DMD: variants seen among roughly 807,000 people sequenced by gnomAD.
The protein encoded by DMD is mutant dystrophin.
A neutral mutation model predicts 330.1 loss-of-function variants in DMD; 63 were observed. That is an observed-to-expected ratio of 0.19 (90% CI 0.16 to 0.24). DMD has a LOEUF of 0.24. Ranked by LOEUF, DMD falls within the 10% of genes least tolerant of loss-of-function variation. The pLI, the probability that DMD is intolerant of heterozygous loss-of-function variation, is 1.00. For synonymous variants in DMD, 1,223 were observed against 959.8 expected (o/e 1.27, Z -5.07); for missense variants, 3,344 against 2,684.1 (o/e 1.25, Z -5.43).
intron 12 of DMD, among the ~76,000 whole-genome samples, chrX:32,608,061 G>A (rs998442287): frequency 2.7e-5 from 3 of 109,859 alleles, no homozygotes; most frequent in Non-Finnish European, 1.9e-5. Context: ...TAGCTATACC[G>A]ATATACTGTC....
intron 62 of DMD, among the ~76,000 whole-genome samples, chrX:31,308,600 T>C: frequency 8.9e-6 from 1 of 111,903 alleles, no homozygotes; most frequent in Non-Finnish European, 1.9e-5. Context: ...TATTTCTAGA[T>C]GGAGTCTTGC....
In DMD at chrX:32,621,050, C is replaced by A. The variant is rs189195979; in HGVS notation, c.1332-6597G>T. Among the ~76,000 whole-genome samples the A allele has an allele frequency of 7.6e-3, 844 of 111,089 alleles. 11 individuals carry two copies. Among genetic ancestry groups the A allele is most frequent in the Admixed American group, 0.041 (432 of 10,424 alleles). ...AGTTTATATGGATGGCGGGTGAGGG[C>A]CACAGATAATACATATAGCTCAACA... is the stretch of plus-strand genomic sequence containing the variant. On this transcript the variant is annotated intron_variant, in intron 11 of 78. Transcript: ENST00000357033.
chrX:32,715,251 GGA>G (rs1448932564), intron 7 of DMD, among the ~76,000 whole-genome samples: 1 of 110,435 alleles, frequency 9.1e-6, no homozygotes, highest in Non-Finnish European at 1.9e-5. Flanking sequence ...GGCCAAGGCA[GGA>G]GGATCACAAG....
At chrX:32,094,234 C>T (rs1048575494) in intron 44 of DMD, among the ~76,000 whole-genome samples, 3 of 111,887 alleles carry the variant, frequency 2.7e-5, no homozygotes, top group African/African-American at 9.7e-5. Context: ...GTCACCTATA[C>T]TTTAATAGTT....
chrX:32,705,384 G>T (rs924758769), intron 7 of DMD, among the ~76,000 whole-genome samples: 8 of 111,906 alleles, frequency 7.1e-5, no homozygotes, highest in African/African-American at 2.3e-4. Context: ...AATTAATAAC[G>T]ATAAAAAGTA....
At chrX:32,578,198 G>GA (rs751315941) in intron 13 of DMD, among the ~76,000 whole-genome samples, 2,283 of 106,393 alleles carry the variant, frequency 0.021, 44 homozygotes, top group African/African-American at 0.061. Context: ...CTTCTCTAGA[G>GA]AAAAAAAAAA....
chrX:33,076,412 T>A (rs2094841977), intron 1 of DMD, among the ~76,000 whole-genome samples: 1 of 111,602 alleles, frequency 9.0e-6, no homozygotes, highest in Admixed American at 9.6e-5. Flanking sequence ...TGATGGCAAT[T>A]GCAGTATGTA....
intron 7 of DMD, among the ~76,000 whole-genome samples, chrX:32,743,254 T>A (rs1009650622): frequency 9.0e-6 from 1 of 111,448 alleles, no homozygotes; most frequent in Non-Finnish European, 1.9e-5. Context: ...GTGTTCCACA[T>A]AATTTTCTTC....
At chrX:33,194,624 T>C (rs1415735384) in intron 1 of DMD, among the ~76,000 whole-genome samples, 1 of 111,211 alleles carries the variant, frequency 9.0e-6, no homozygotes, top group Admixed American at 9.7e-5. Context: ...TCCTCAAAGA[T>C]AAAATATTAA....
chrX:32,955,231 G>A lies in DMD; in HGVS notation c.93+64908C>T, dbSNP rs193097594. Reference sequence around the variant, plus strand: ...ATTTTTTGACTTTTTATTAATAGCCGTCCTGACTGGTGTGAGATGGTATTT... The same window carrying A: ...ATTTTTTGACTTTTTATTAATAGCCATCCTGACTGGTGTGAGATGGTATTT... On this transcript the variant is annotated intron_variant, in intron 2 of 78. Transcript: ENST00000357033. 8.1e-4 allele frequency among the ~76,000 whole-genome samples: 90 copies of A among 111,316 alleles called. 1 individual carries two copies. Among genetic ancestry groups the A allele is most frequent in the African/African-American group, 2.8e-3 (85 of 30,704 alleles).
intron 20 of DMD, among the ~76,000 whole-genome samples, chrX:32,486,853 A>C (rs1261077553): frequency 9.4e-6 from 1 of 106,644 alleles, no homozygotes; most frequent in East Asian, 2.9e-4. Flanking sequence ...AATCAATTCA[A>C]GATGGATTAA....
intron 47 of DMD, among the ~76,000 whole-genome samples, chrX:31,894,054 G>A (rs944294591): frequency 9.0e-6 from 1 of 111,415 alleles, no homozygotes; most frequent in African/African-American, 3.3e-5. Flanking sequence ...CTTCTCTGAG[G>A]GTTTATTGGG....
Position 33,311,172 on chromosome X carries a change from TACAC to T in DMD, c.7+28083_7+28086del, listed in dbSNP as rs1205513390. Among the ~76,000 whole-genome samples the T allele has an allele frequency of 2.7e-5, 3 of 110,078 alleles. No individual in the cohort carries two copies. The East Asian group carries it at 8.5e-4, about 31-fold the overall frequency. On this transcript the variant is annotated intron_variant, in intron 1 of 17. Transcript: ENST00000288447. ...GTATATACCTACTTTAATATATAGA[TACAC>T]ATATGTATGCATACACACATACACA...
rs757715170 is a variant in DMD, at chrX:32,616,746, C to T, written c.1332-2293G>A. ...AAGAATGTTACTGAAACCCAAGATCCTGTTGCTAGGTATGCTCCTTGCTTC... is the reference window on the plus strand; with the variant it reads ...AAGAATGTTACTGAAACCCAAGATCTTGTTGCTAGGTATGCTCCTTGCTTC... On this transcript the variant is annotated intron_variant, in intron 11 of 78. Coordinates refer to ENST00000357033, the MANE Select transcript of DMD (RefSeq NM_004006.3). 1.6e-4 allele frequency among the ~76,000 whole-genome samples: 14 copies of T among 86,965 alleles called. No homozygotes were observed. The South Asian group carries it at 5.7e-3, about 36-fold the overall frequency. The allele number at this position is 86,965 out of a possible 115,157, so 75.5% of individuals were successfully genotyped here. A position where few individuals can be genotyped will look rare whatever the true frequency, so the allele number is the denominator to read the frequency against.
rs73466100 is a variant in DMD, at chrX:31,917,137, G to C, written c.6912+12459C>G. ...CAGGGAACCAGCATCTTGAAATTAG[G>C]GGGGGAAATGCAGAACCTCAGGTCC... On this transcript the variant is annotated intron_variant, in intron 47 of 78. Coordinates refer to ENST00000357033, the MANE Select transcript of DMD (RefSeq NM_004006.3). Among the ~76,000 whole-genome samples the C allele has an allele frequency of 6.6e-3, 738 of 111,251 alleles. 7 individuals carry two copies. Among genetic ancestry groups the C allele is most frequent in the African/African-American group, 0.023 (696 of 30,569 alleles).
At chrX:32,651,385 C>A (rs556656001) in intron 9 of DMD, among the ~76,000 whole-genome samples, 9 of 111,479 alleles carry the variant, frequency 8.1e-5, no homozygotes, top group African/African-American at 1.6e-4. Context: ...TCAGGTCATC[C>A]GCCCACCTCA....
rs756578720 is a variant in DMD, at chrX:32,372,121, C to T, written c.4846-6922G>A. 5.4e-5 allele frequency among the ~76,000 whole-genome samples: 6 copies of T among 111,333 alleles called. No individual in the cohort carries two copies. The East Asian group carries it at 1.4e-3, about 26-fold the overall frequency. On this transcript the variant is annotated intron_variant, in intron 34 of 78. Transcript: ENST00000357033. ...CATCTATAAAACGGGAACATTTGAT[C>T]AGGTGATTATTTATGTTTGTTATAA...
Position 32,511,764 on chromosome X carries a change from TA to T in DMD, c.2292+6243del, listed in dbSNP as rs772004675. Among the ~76,000 whole-genome samples, 294 of 111,017 alleles carry T rather than the reference TA, an allele frequency of 2.6e-3. 2 individuals are homozygous for T. The highest frequency in any genetic ancestry group is 9.0e-3 in the African/African-American group (275 of 30,590). ...TAGAGCTGTTTATCATATATGTGTC[TA>T]CATGCATATACATTTTTAATCTTGA... On this transcript the variant is annotated intron_variant, in intron 18 of 78. Coordinates refer to ENST00000357033, the MANE Select transcript of DMD (RefSeq NM_004006.3).
intron 43 of DMD, among the ~76,000 whole-genome samples, chrX:32,248,829 A>G (rs2097252460): frequency 9.0e-6 from 1 of 111,302 alleles, no homozygotes; most frequent in African/African-American, 3.3e-5. Context: ...TAAACATGAA[A>G]ATAATAATGA....
Sources: gnomAD v4.1 joint callset for allele counts (sites outside exome capture counted in the v4.1 genomes callset) on GRCh38, gnomAD v4.1.1 for gene constraint, MANE v1.5 for transcripts, NCBI Gene and HGNC (gene_info 2026-07-23, HGNC 2026-07-21) for gene names.